SRPK2: variants seen among roughly 807,000 people sequenced by gnomAD.
SRPK2 encodes the protein SRSF protein kinase 2, also known as SFRS protein kinase 2.
SRPK2 carries 21 observed loss-of-function variants against 90.8 expected under a neutral mutation model. The ratio of observed to expected loss-of-function variants is 0.23; its 90% CI spans 0.16 to 0.33. The LOEUF (loss-of-function observed/expected upper bound fraction) is 0.33, where lower values mean the gene tolerates loss of function less well. Ranked by LOEUF, SRPK2 falls within the 10% of genes least tolerant of loss-of-function variation. The pLI, the probability that SRPK2 is intolerant of heterozygous loss-of-function variation, is 1.00. For synonymous variants in SRPK2, 288 were observed against 311.1 expected, an observed-to-expected ratio of 0.93 and a Z score of 0.78; for missense variants, 620 against 869.0, an observed-to-expected ratio of 0.71 and a Z score of 3.60.
intron 2 of SRPK2, among the ~76,000 whole-genome samples, chr7:105,371,598 A>G (rs960699519): frequency 6.6e-6 from 1 of 151,332 alleles, no homozygotes; most frequent in African/African-American, 2.4e-5. Flanking sequence ...AAAAAAAAAA[A>G]AAAAAACACT....
chr7:105,165,396 G>A (rs1789908320), intron 6 of SRPK2, among the ~76,000 whole-genome samples: 1 of 152,208 alleles, frequency 6.6e-6, no homozygotes, highest in African/African-American at 2.4e-5. Flanking sequence ...GAAGCCAGCT[G>A]GACTTCCTGG....
intron 2 of SRPK2, among the ~76,000 whole-genome samples, chr7:105,333,973 A>T (rs765698380): frequency 2.6e-5 from 4 of 152,142 alleles, no homozygotes; most frequent in African/African-American, 4.8e-5. Context: ...CCCAGGCTGG[A>T]GTGCAGTGGC....
intron 3 of SRPK2, among the ~76,000 whole-genome samples, chr7:105,186,436 A>T (rs1271890627): frequency 6.6e-6 from 1 of 152,214 alleles, no homozygotes; most frequent in Non-Finnish European, 1.5e-5. Context: ...TACAAGAAAG[A>T]ACATGCAGTA....
chr7:105,389,719 G>A (rs796621327), upstream of SRPK2, among the ~76,000 whole-genome samples: 26 of 152,296 alleles, frequency 1.7e-4, no homozygotes, highest in African/African-American at 5.3e-4. Context: ...AGGCCTGGCC[G>A]TCGACAAACC....
rs1804062766 is a variant in SRPK2 at position 105,143,255 on chromosome 7, G to A, written c.889C>T (p.Arg297Cys). 2 of 1,613,918 alleles carry A rather than the reference G, an allele frequency of 1.2e-6. No individual in the cohort carries two copies. The highest frequency in any genetic ancestry group is 1.3e-5 in the African/African-American group (1 of 74,884). ...TCCAATTCTTCTATCTCCTGCAGGC[G>A]CTTCTCCAATAACTCAGCCTGCCTC... ...QKRQAELLEK[R>C]LQEIEELERE... Residue 297 changes from arginine (R) to cysteine (C), a missense_variant, in exon 10 of 16, where the codon CGC becomes TGC. Physicochemically the swap from Arg to Cys is radical, Grantham distance 180 (BLOSUM62 -3). Around this residue, in one of 8 missense-constraint regions of SRPK2, gnomAD observed 196 missense variants for 339.2 expected, o/e 0.58. Transcript: ENST00000393651.
At chr7:105,330,800 T>C (rs1814216535) in intron 2 of SRPK2, among the ~76,000 whole-genome samples, 1 of 151,664 alleles carries the variant, frequency 6.6e-6, no homozygotes, top group African/African-American at 2.4e-5. Context: ...GGCAATACAG[T>C]GAGACACCTG....
intron 2 of SRPK2, among the ~76,000 whole-genome samples, chr7:105,316,022 A>AT (rs11330337): frequency 0.42 from 53,823 of 128,646 alleles, 12,734 homozygotes; most frequent in Non-Finnish European, 0.54. Flanking sequence ...TCTTTAGGTA[A>AT]TTTTTTTTTT....
intron 2 of SRPK2, among the ~76,000 whole-genome samples, chr7:105,295,336 C>T (rs1809659723): frequency 1.3e-5 from 2 of 151,194 alleles, no homozygotes; most frequent in African/African-American, 2.4e-5. Context: ...TATAAATTTA[C>T]ATATTATATA....
intron 2 of SRPK2, among the ~76,000 whole-genome samples, chr7:105,282,562 G>T (rs1190942761): frequency 6.6e-6 from 1 of 152,170 alleles, no homozygotes; most frequent in African/African-American, 2.4e-5. Context: ...CTGTGCATTG[G>T]GAGGCCAAGG....
At chr7:105,345,674 C>T (rs548374869) in intron 2 of SRPK2, among the ~76,000 whole-genome samples, 1 of 152,196 alleles carries the variant, frequency 6.6e-6, no homozygotes, top group Non-Finnish European at 1.5e-5. Context: ...TTATTTTACA[C>T]ATGAACATGT....
rs183404070 is a variant in SRPK2, at chr7:105,359,585, T to A, written c.71+29063A>T. Among the ~76,000 whole-genome samples the A allele has an allele frequency of 2.6e-5, 4 of 152,268 alleles. No individual in the cohort carries two copies. In the East Asian group the frequency reaches 7.7e-4, roughly 29 times the overall value. ...TGCTTAATTGTCTAACGTCAATTTG[T>A]TTTATGGCACTGCTGCTGCTATGTC... On this transcript the variant is annotated intron_variant, in intron 2 of 15. Coordinates refer to ENST00000393651, the MANE Select transcript of SRPK2 (RefSeq NM_182692.3).
chr7:105,326,050 G>C (rs1409605642), intron 2 of SRPK2, among the ~76,000 whole-genome samples: 2 of 152,244 alleles, frequency 1.3e-5, no homozygotes, highest in Non-Finnish European at 2.9e-5. Flanking sequence ...CTGGTGCGGA[G>C]AGCCATCATC....
intron 2 of SRPK2, among the ~76,000 whole-genome samples, chr7:105,222,842 A>G (rs1004262540): frequency 2.6e-5 from 4 of 152,236 alleles, no homozygotes; most frequent in Non-Finnish European, 5.9e-5. Context: ...TCGTCTGTGG[A>G]ACGACAGTGG....
At chr7:105,270,033 A>G (rs1475439855) in intron 2 of SRPK2, among the ~76,000 whole-genome samples, 3 of 152,260 alleles carry the variant, frequency 2.0e-5, no homozygotes, top group African/African-American at 7.2e-5. Context: ...TCAAAGTTGA[A>G]TATGAGAAGA....
chr7:105,128,938 T>C (rs1801591642), intron 13 of SRPK2, among the ~76,000 whole-genome samples: 2 of 152,238 alleles, frequency 1.3e-5, no homozygotes, highest in African/African-American at 4.8e-5. Flanking sequence ...AGCACCCACA[T>C]ATTCCCAAGA....
chr7:105,176,899 T>G (rs1321402231), intron 3 of SRPK2, among the ~76,000 whole-genome samples: 1 of 152,132 alleles, frequency 6.6e-6, no homozygotes, highest in Non-Finnish European at 1.5e-5. Context: ...CCTCCCAAAG[T>G]GCTGGGATTA....
At chr7:105,370,889 T>C (rs1819619880) in intron 2 of SRPK2, among the ~76,000 whole-genome samples, 1 of 152,110 alleles carries the variant, frequency 6.6e-6, no homozygotes, top group Non-Finnish European at 1.5e-5. Context: ...GTGCTAGGAT[T>C]ACAGGCATGA....
intron 3 of SRPK2, among the ~76,000 whole-genome samples, chr7:105,181,881 T>TTA (rs1554441930): frequency 1.5e-4 from 13 of 84,862 alleles, no homozygotes; most frequent in Admixed American, 2.7e-4. Context: ...AAGATAAAAG[T>TTA]AAAAAAAAAA....
At chr7:105,164,573 A>C (rs1808226403) in intron 6 of SRPK2, among the ~76,000 whole-genome samples, 1 of 152,210 alleles carries the variant, frequency 6.6e-6, no homozygotes. Context: ...TAAATGGCTG[A>C]TATGATTGTT....
Sources: allele counts gnomAD v4.1 joint callset (sites outside exome capture counted in the v4.1 genomes callset), GRCh38; gene constraint gnomAD v4.1.1; regional missense constraint gnomAD v4.1.1; transcripts MANE v1.5; gene names NCBI Gene and HGNC (gene_info 2026-07-23, HGNC 2026-07-21).